Variants in KDM1A observed in about 807,000 individuals in gnomAD.
KDM1A encodes the protein lysine-specific histone demethylase 1A.
KDM1A carries 49 observed loss-of-function variants against 109.4 expected under a neutral mutation model. That is an observed-to-expected ratio of 0.45 (90% CI 0.36 to 0.57). KDM1A has a LOEUF of 0.57. Among genes scored for constraint, KDM1A ranks in the 20% least tolerant of loss-of-function variants. KDM1A has a pLI of 0.00. For missense variants in KDM1A, 668 were observed against 1,116.6 expected (o/e 0.60, Z 5.73); for synonymous variants, 380 against 415.4 (o/e 0.91, Z 1.04).
rs531543158 is a variant in KDM1A at position 23,049,110 on chromosome 1, C to T, written c.578-1277C>T. Among the ~76,000 whole-genome samples the T allele has an allele frequency of 2.3e-5, 3 of 132,900 alleles. No homozygotes were observed. In the East Asian group the frequency reaches 6.9e-4, roughly 30 times the overall value. 87.2% of individuals were successfully genotyped at this position (132,900 alleles called of 152,430 possible). On this transcript the variant is annotated intron_variant, in intron 3 of 20. Transcript: ENST00000400181. Reference sequence around the variant, plus strand: ...GAGGTTGCAGTGAGCCGAGATCGCGCTACTGCACTTCCAGCCTGGGCGACA... The same window carrying T: ...GAGGTTGCAGTGAGCCGAGATCGCGTTACTGCACTTCCAGCCTGGGCGACA...
At chr1:23,022,444 T>C (rs1159809516) in intron 1 of KDM1A, among the ~76,000 whole-genome samples, 3 of 151,838 alleles carry the variant, frequency 2.0e-5, no homozygotes, top group Non-Finnish European at 2.9e-5. Flanking sequence ...CAAGTGATTC[T>C]CCTGCCTCAG....
chr1:23,050,382 G>A lies in KDM1A; in HGVS notation c.578-5G>A, dbSNP rs370682688. 116 of 1,598,010 alleles carry A rather than the reference G, an allele frequency of 7.3e-5. No individual in the cohort carries two copies. Among genetic ancestry groups the A allele is most frequent in the Non-Finnish European group, 9.3e-5 (109 of 1,174,342 alleles). ...TTCCTAGATGTCCTTTGCTTTCTTC[G>A]TTAGGTGTGGAGGGCGCAGCTTTCC... On this transcript the variant is annotated splice_polypyrimidine_tract_variant and splice_region_variant and intron_variant, in intron 3 of 20. Transcript: ENST00000400181.
intron 1 of KDM1A, 65 bp downstream of exon 1, chr1:23,020,012 C>T (rs1641571473): frequency 2.2e-6 from 3 of 1,387,534 alleles, no homozygotes; most frequent in South Asian, 1.6e-5. Flanking sequence ...GCTTCTCCGC[C>T]CTCCCCCGCC....
chr1:23,062,710 G>C (rs1019958635), intron 9 of KDM1A, among the ~76,000 whole-genome samples: 4 of 152,158 alleles, frequency 2.6e-5, no homozygotes, highest in African/African-American at 9.7e-5. Context: ...TTGAGTTTCT[G>C]TGCTTGTTTT....
intron 4 of KDM1A, 149 bp downstream of exon 4, chr1:23,050,669 T>C (rs1569725821): frequency 1.6e-6 from 1 of 642,424 alleles, no homozygotes; most frequent in Non-Finnish European, 2.3e-6. Flanking sequence ...TTAATAGTTA[T>C]TTTTCATTTG....
chr1:23,027,533 C>T (rs1207984340), intron 1 of KDM1A, among the ~76,000 whole-genome samples: 1 of 120,906 alleles, frequency 8.3e-6, no homozygotes, highest in African/African-American at 3.0e-5. Context: ...TTCAAGTGAT[C>T]CACCTCAGCC....
chr1:23,019,805 C>G lies in KDM1A; in HGVS notation c.209C>G (p.Pro70Arg). ...PRKKEPPRAS[P>R]PGGLAEPPGS... Reference sequence around the variant, plus strand: ...AAGAAAGAGCCTCCGCGGGCCTCGCCCCCCGGGGGCCTGGCGGAACCGCCG... The same window carrying G: ...AAGAAAGAGCCTCCGCGGGCCTCGCGCCCCGGGGGCCTGGCGGAACCGCCG... The change falls in exon 1 of 21, where the codon CCC becomes CGC. Residue 70 changes from proline (P) to arginine (R), a missense_variant. Transcript: ENST00000400181. 1 of 1,398,462 alleles carries G rather than the reference C, an allele frequency of 7.2e-7. No individual in the cohort carries two copies. Among genetic ancestry groups the G allele is most frequent in the Non-Finnish European group, 9.3e-7 (1 of 1,075,958 alleles). 86.6% of individuals were successfully genotyped at this position (1,398,462 alleles called of 1,614,324 possible). A position where few individuals can be genotyped will look rare whatever the true frequency, so the allele number is the denominator to read the frequency against.
chr1:23,082,114 T>C (rs1569833805), intron 19 of KDM1A, 106 bp from the exon 20 acceptor site: 15 of 1,225,744 alleles, frequency 1.2e-5, no homozygotes, highest in Middle Eastern at 2.9e-4. Flanking sequence ...ATGTTGCCCC[T>C]CTTTCTCTTC....
At chr1:23,033,514 C>T (rs565553864) in intron 2 of KDM1A, among the ~76,000 whole-genome samples, 23 of 151,606 alleles carry the variant, frequency 1.5e-4, no homozygotes, top group African/African-American at 5.1e-4. Flanking sequence ...AGCAAGACTC[C>T]GCCTTAAAAA....
rs116787935 is a variant in KDM1A at position 23,034,203 on chromosome 1, T to C, written c.517+3569T>C. On this transcript the variant is annotated intron_variant, in intron 2 of 20. Coordinates refer to ENST00000400181, the MANE Select transcript of KDM1A (RefSeq NM_001009999.3). The stretch of plus-strand genomic sequence containing the variant: ...ATTTAAAAACTACCTCATTTTGTTT[T>C]CCTAAATATTTCCATGCATTTTTAT... 6.0e-3 allele frequency among the ~76,000 whole-genome samples: 919 copies of C among 152,364 alleles called. 9 individuals carry two copies. Among genetic ancestry groups the C allele is most frequent in the African/African-American group, 0.02 (840 of 41,582 alleles).
intron 2 of KDM1A, among the ~76,000 whole-genome samples, chr1:23,031,543 A>T (rs1036693739): frequency 4.6e-5 from 7 of 151,998 alleles, no homozygotes; most frequent in Admixed American, 2.0e-4. Flanking sequence ...ATTAAGACAT[A>T]CTTCATTTGA....
intron 9 of KDM1A, among the ~76,000 whole-genome samples, chr1:23,064,568 A>G (rs1013880432): frequency 1.3e-5 from 2 of 152,230 alleles, no homozygotes; most frequent in African/African-American, 2.4e-5. Context: ...ACTGGAAGTA[A>G]GATAGGTGTA....
intron 3 of KDM1A, among the ~76,000 whole-genome samples, chr1:23,044,970 C>A (rs1361597220): frequency 1.3e-5 from 2 of 152,120 alleles, no homozygotes; most frequent in Non-Finnish European, 2.9e-5. Context: ...TACCTTTTTT[C>A]AGTTAACATT....
chr1:23,068,331 A>G (rs550002670), intron 10 of KDM1A, among the ~76,000 whole-genome samples: 14 of 152,326 alleles, frequency 9.2e-5, no homozygotes, highest in African/African-American at 3.1e-4. Context: ...TGGGAGAAGA[A>G]GAGGAAATTG....
chr1:23,068,618 T>A lies in KDM1A; in HGVS notation c.1259T>A (p.Leu420Gln), dbSNP rs1312228090. 6.2e-7 allele frequency: 1 copy of A among 1,604,914 alleles called. No individual in the cohort carries two copies. The highest frequency in any genetic ancestry group is 1.3e-5 in the African/African-American group (1 of 74,450). Residue 420 changes from leucine (L) to glutamine (Q), a missense_variant, in exon 11 of 21, where the codon CTA (leucine) becomes CAA (glutamine). Transcript: ENST00000400181. ...GCTACATCTTACCTTAGTCATCAAC[T>A]AGACTTCAATGTCCTCAATAATAAG... ...LEATSYLSHQ[L>Q]DFNVLNNKPV...
chr1:23,074,713 TTTGTG>T (rs1444813932), intron 15 of KDM1A, among the ~76,000 whole-genome samples: 1 of 152,212 alleles, frequency 6.6e-6, no homozygotes, highest in African/African-American at 2.4e-5. Flanking sequence ...TATACTCCAT[TTTGTG>T]TTAATTTTTA....
In KDM1A at chr1:23,019,619, C is replaced by A; in HGVS notation, c.23C>A (p.Ala8Glu). Residue 8 changes from alanine (A) to glutamate (E), a missense_variant, in exon 1 of 21, where the codon GCA becomes GAA. By Grantham distance (107) the Ala-to-Glu change is moderately radical. Transcript: ENST00000400181. ...GAGATGTTATCTGGGAAGAAGGCGGCAGCCGCGGCGGCGGCGGCTGCAGCG... is the reference window on the plus strand; with the variant it reads ...GAGATGTTATCTGGGAAGAAGGCGGAAGCCGCGGCGGCGGCGGCTGCAGCG... MLSGKKAAAAAAAAAAAA... is the reference protein window; with the variant it reads MLSGKKAEAAAAAAAAAA... The A allele has an allele frequency of 7.0e-7, 1 of 1,422,164 alleles. No individual in the cohort carries two copies. The highest frequency in any genetic ancestry group is 3.0e-5 in the Admixed American group (1 of 33,028). 88.1% of individuals were successfully genotyped at this position (1,422,164 alleles called of 1,614,324 possible).
At chr1:23,072,750 A>G (rs1643356715) in intron 14 of KDM1A, among the ~76,000 whole-genome samples, 1 of 152,122 alleles carries the variant, frequency 6.6e-6, no homozygotes, top group African/African-American at 2.4e-5. Flanking sequence ...GGTTCAAGCA[A>G]TTCTCTTGCC....
At chr1:23,051,887 G>T (rs569904010) in intron 4 of KDM1A, among the ~76,000 whole-genome samples, 1 of 152,294 alleles carries the variant, frequency 6.6e-6, no homozygotes, top group South Asian at 2.1e-4. Context: ...CTGGGTTTTT[G>T]TAAAACAGAA....
Sources: allele counts gnomAD v4.1 joint callset (sites outside exome capture counted in the v4.1 genomes callset), GRCh38; gene constraint gnomAD v4.1.1; transcripts MANE v1.5; gene names NCBI Gene and HGNC (gene_info 2026-07-23, HGNC 2026-07-21).